Variants in LUM observed in about 807,000 individuals in gnomAD.
LUM encodes lumican.
A neutral mutation model predicts 20.5 loss-of-function variants in LUM; 13 were observed. That is an observed-to-expected ratio of 0.63 (90% CI 0.41 to 1.01). LUM has a LOEUF of 1.01. Among genes scored for constraint, LUM ranks in the 50% least tolerant of loss-of-function variants. The pLI is 0.00. For synonymous variants in LUM, 173 were observed against 151.5 expected, an observed-to-expected ratio of 1.14 and a Z score of -1.04; for missense variants, 321 against 391.1, an observed-to-expected ratio of 0.82 and a Z score of 1.51.
chr12:91,104,327 T>C lies in LUM; in HGVS notation c.863-8A>G, dbSNP rs1879983168. ...AGCTCTTTATGTCAAACTCTAAAAA[T>C]TAAAGAATAGAAAACATTAATCATT... On this transcript the variant is annotated splice_region_variant and splice_polypyrimidine_tract_variant and intron_variant, in intron 2 of 2. Coordinates refer to ENST00000266718, the MANE Select transcript of LUM (RefSeq NM_002345.4). The C allele has an allele frequency of 6.2e-7, 1 of 1,602,908 alleles. No individual in the cohort carries two copies. Among genetic ancestry groups the C allele is most frequent in the African/African-American group, 1.3e-5 (1 of 74,660 alleles).
At chr12:91,110,327 GT>G (rs1226132968) in intron 1 of LUM, among the ~76,000 whole-genome samples, 1 of 152,130 alleles carries the variant, frequency 6.6e-6, no homozygotes, top group East Asian at 1.9e-4. Context: ...TCTTTTATTT[GT>G]TTTAATTTGA....
At position 91,104,163 on chromosome 12, in the gene LUM, T is replaced by TATTA. The variant is rs1481717197; in HGVS notation, c.1015_*1dup. 2 of 1,609,456 alleles carry TATTA rather than the reference T, an allele frequency of 1.2e-6. No homozygotes were observed. Among genetic ancestry groups the TATTA allele is most frequent in the Non-Finnish European group, 1.7e-6 (2 of 1,176,560 alleles). On this transcript the variant is annotated 3_prime_UTR_variant, in exon 3 of 3. Coordinates refer to ENST00000266718, the MANE Select transcript of LUM (RefSeq NM_002345.4). ...ATAAAATATTGTTCCAGGATACAGATATTAATTAAGAGTGACTTCGTTAGC... is the reference window on the plus strand; with the variant it reads ...ATAAAATATTGTTCCAGGATACAGATATTAATTAATTAAGAGTGACTTCGTTAGC...
chr12:91,108,811 TC>T lies in LUM; in HGVS notation c.168del (p.Lys57AsnfsTer2), dbSNP rs768880335. Reference protein sequence around the residue: ...SYPSAMYCDELKLKSVPMVPP... With the variant: ...SYPSAMYCDEXKLKSVPMVPP... ...GGCACCATTGGTACACTTTTCAATT[TC>T]AGCTCATCACAGTACATGGCACTTG... On this transcript the variant is annotated frameshift_variant, in exon 2 of 3. Coordinates refer to ENST00000266718, the MANE Select transcript of LUM (RefSeq NM_002345.4). LOFTEE classifies it high-confidence loss of function. The surrounding 1 kb of genome is among the most constrained non-coding windows in gnomAD (Gnocchi z 4.2). The T allele has an allele frequency of 1.2e-6, 2 of 1,614,114 alleles. No homozygotes were observed. Among genetic ancestry groups the T allele is most frequent in the Non-Finnish European group, 8.5e-7 (1 of 1,180,004 alleles).
Position 91,108,131 on chromosome 12 carries a change from G to A in LUM, c.849C>T (p.Val283=), listed in dbSNP as rs181915277. 725 of 1,613,926 alleles carry A rather than the reference G, an allele frequency of 4.5e-4. 4 individuals carry two copies. The East Asian group carries it at 0.013, about 29-fold the overall frequency. Residue 283 remains valine (V), a synonymous_variant, in exon 2 of 3, where the codon GTC becomes GTT. Transcript: ENST00000266718. The surrounding 1 kb of genome is among the most constrained non-coding windows in gnomAD (Gnocchi z 4.2). ...NENLENYYLE[V]NQLEKFDIKS... The stretch of plus-strand genomic sequence containing the variant: ...CTTTTTACTTACTCTCAAGTTGATT[G>A]ACCTCCAGGTAATAGTTTTCAAGGT...
In LUM at chr12:91,102,740, T is replaced by C. The variant is rs901803388; in HGVS notation, c.*1425A>G. On this transcript the variant is annotated 3_prime_UTR_variant, in exon 3 of 3. Transcript: ENST00000266718. ...AATTTACCTTAATGTAGAAAACTCA[T>C]GAAAATCAAAAATACACATTGTACC... is the stretch of plus-strand genomic sequence containing the variant. The C allele has an allele frequency of 6.6e-6, 1 of 152,046 alleles. No homozygotes were observed. The highest frequency in any genetic ancestry group is 2.4e-5 in the African/African-American group (1 of 41,428). The allele number at this position is 152,046 out of a possible 1,614,324, so 9.4% of individuals were successfully genotyped here.
chr12:91,108,914 A>C lies in LUM; in HGVS notation c.66T>G (p.Asp22Glu). The C allele has an allele frequency of 6.2e-7, 1 of 1,613,840 alleles. No homozygotes were observed. Among genetic ancestry groups the C allele is most frequent in the Non-Finnish European group, 8.5e-7 (1 of 1,179,808 alleles). Residue 22 changes from aspartate (D) to glutamate (E), a missense_variant, in exon 2 of 3, where the codon GAT (aspartate) becomes GAG (glutamate). Asp to Glu is a conservative substitution (Grantham distance 45). Coordinates refer to ENST00000266718, the MANE Select transcript of LUM (RefSeq NM_002345.4). The surrounding 1 kb of genome is among the most constrained non-coding windows in gnomAD (Gnocchi z 4.2). ...CATAAATTGATAGGGGAAAATCATA[A>C]TCATAGTACTGGCCACTGGTACCAC... The part of the protein sequence containing the change: ...LIGGTSGQYY[D>E]YDFPLSIYGQ...
chr12:91,103,259 A>G lies in LUM; in HGVS notation c.*906T>C, dbSNP rs1879948209. 1 of 152,114 alleles carries G rather than the reference A, an allele frequency of 6.6e-6. No homozygotes were observed. Among genetic ancestry groups the G allele is most frequent in the Non-Finnish European group, 1.5e-5 (1 of 67,962 alleles). 9.4% of individuals were successfully genotyped at this position (152,114 alleles called of 1,614,324 possible). On this transcript the variant is annotated 3_prime_UTR_variant, in exon 3 of 3. Transcript: ENST00000266718. ...CAAGGAGTGAGTGCTGAGATCACAT[A>G]GCAGCTTCTTATCTAATAGAATACC...
In LUM at chr12:91,108,255, G is replaced by T; in HGVS notation, c.725C>A (p.Ala242Asp). The change falls in exon 2 of 3, where the codon GCT becomes GAT. Residue 242 changes from alanine to aspartate, a missense_variant. Coordinates refer to ENST00000266718, the MANE Select transcript of LUM (RefSeq NM_002345.4). This position sits in a 1 kb window ranked among gnomAD's most constrained non-coding sequence, Gnocchi z 4.2. ...AGAATTTCCAGGTATTCCACTATCA[G>T]CCAGTTCGTTGTGAGATAAACGCAG... is the stretch of plus-strand genomic sequence containing the variant. ...QYLRLSHNEL[A>D]DSGIPGNSFN... 1 of 1,614,116 alleles carries T rather than the reference G, an allele frequency of 6.2e-7. No homozygotes were observed. The highest frequency in any genetic ancestry group is 8.5e-7 in the Non-Finnish European group (1 of 1,180,000).
At chr12:91,111,072 T>C (rs1329066729) in intron 1 of LUM, among the ~76,000 whole-genome samples, 1 of 152,204 alleles carries the variant, frequency 6.6e-6, no homozygotes. Flanking sequence ...GGTCCAATAC[T>C]AACATATATA....
At position 91,103,227 on chromosome 12, in the gene LUM, T is replaced by C. The variant is rs142198539; in HGVS notation, c.*938A>G. 1.7e-4 allele frequency: 26 copies of C among 152,190 alleles called. No homozygotes were observed. Among genetic ancestry groups the C allele is most frequent in the African/African-American group, 6.0e-4 (25 of 41,574 alleles). 9.4% of individuals were successfully genotyped at this position (152,190 alleles called of 1,614,324 possible). A position where few individuals can be genotyped will look rare whatever the true frequency, so the allele number is the denominator to read the frequency against. On this transcript the variant is annotated 3_prime_UTR_variant, in exon 3 of 3. Coordinates refer to ENST00000266718, the MANE Select transcript of LUM (RefSeq NM_002345.4). ...ATCCTGTGAGTTATCCACCATTTCT[T>C]GACAACCAAGGAGTGAGTGCTGAGA...
At chr12:91,107,096 A>G (rs1880052303) in intron 2 of LUM, among the ~76,000 whole-genome samples, 1 of 149,430 alleles carries the variant, frequency 6.7e-6, no homozygotes, top group African/African-American at 2.5e-5. Context: ...CAATGAGCCG[A>G]GATTGCACCA....
chr12:91,107,336 A>AGAAAGAAAGG, intron 2 of LUM, among the ~76,000 whole-genome samples: 1 of 144,572 alleles, frequency 6.9e-6, no homozygotes, highest in African/African-American at 2.5e-5. Context: ...AAAGAAAGAA[A>AGAAAGAAAGG]GAAAGAAAGG....
intron 2 of LUM, among the ~76,000 whole-genome samples, chr12:91,104,923 G>T (rs1490038057): frequency 6.6e-6 from 1 of 151,956 alleles, no homozygotes; most frequent in Non-Finnish European, 1.5e-5. Flanking sequence ...GTTTATTTTT[G>T]TCCATGGTCA....
intron 2 of LUM, 47 bp from the exon 3 acceptor site, chr12:91,104,366 G>A (rs528880335): frequency 1.5e-6 from 2 of 1,339,498 alleles, no homozygotes; most frequent in South Asian, 1.3e-5. Flanking sequence ...CAGTACACTG[G>A]CTCAAAACAA....
At chr12:91,107,238 G>GGAAAGAAAGAAAGAAAGAAAGAAA (rs1555188589) in intron 2 of LUM, among the ~76,000 whole-genome samples, 1 of 67,298 alleles carries the variant, frequency 1.5e-5, no homozygotes, top group African/African-American at 5.3e-5. Flanking sequence ...AAGAAAGAAA[G>GGAAAGAAAGAAAGAAAGAAAGAAA]GAAAGAAAGA....
At position 91,104,043 on chromosome 12, in the gene LUM, A is replaced by T; in HGVS notation, c.*122T>A. On this transcript the variant is annotated 3_prime_UTR_variant, in exon 3 of 3. Coordinates refer to ENST00000266718, the MANE Select transcript of LUM (RefSeq NM_002345.4). ...TTTTCTTTAAAAAAAATAAATGTTT[A>T]CAAAACATTTCCCTCAGATTTTAAA... 1.2e-6 allele frequency: 1 copy of T among 816,306 alleles called. No homozygotes were observed. The allele number at this position is 816,306 out of a possible 1,614,324, so 50.6% of individuals were successfully genotyped here.
chr12:91,109,198 G>C (rs546245361), intron 1 of LUM, among the ~76,000 whole-genome samples, 198 bp from the exon 2 acceptor site: 39 of 152,254 alleles, frequency 2.6e-4, no homozygotes, highest in Middle Eastern at 3.4e-3. Flanking sequence ...GTAGTGAGCA[G>C]CTTTCAGGTT....
Position 91,108,792 on chromosome 12 carries a change from A to G in LUM, c.188T>C (p.Met63Thr). The G allele has an allele frequency of 1.2e-6, 2 of 1,614,098 alleles. No individual in the cohort carries two copies. Among genetic ancestry groups the G allele is most frequent in the Non-Finnish European group, 1.7e-6 (2 of 1,179,986 alleles). The stretch of plus-strand genomic sequence containing the variant: ...AAGATACTTGATTCCAGGAGGCACC[A>G]TTGGTACACTTTTCAATTTCAGCTC... Reference protein sequence around the residue: ...CDELKLKSVPMVPPGIKYLYL... With the variant: ...CDELKLKSVPTVPPGIKYLYL... The change falls in exon 2 of 3, where the codon ATG becomes ACG. Residue 63 changes from methionine to threonine, a missense_variant. Physicochemically the swap from Met to Thr is moderately conservative, Grantham distance 81 (BLOSUM62 -1). Transcript: ENST00000266718. The surrounding 1 kb of genome is among the most constrained non-coding windows in gnomAD (Gnocchi z 4.2).
chr12:91,107,254 A>G (rs1880073798), intron 2 of LUM, among the ~76,000 whole-genome samples: 1 of 46,488 alleles, frequency 2.2e-5, no homozygotes, highest in Non-Finnish European at 4.9e-5. Context: ...AAAGAAAGAA[A>G]GAAAGAAAGA....
Sources: allele counts gnomAD v4.1 joint callset (sites outside exome capture counted in the v4.1 genomes callset), GRCh38; gene constraint gnomAD v4.1.1; non-coding constraint Gnocchi (gnomAD v3.1); transcripts MANE v1.5; gene names NCBI Gene and HGNC (gene_info 2026-07-23, HGNC 2026-07-21).